The following MYOF variants were observed in gnomAD, a reference collection of about 807,000 sequenced individuals.
MYOF encodes myoferlin.
Under a neutral mutation model 284.2 loss-of-function variants are expected in MYOF, and 244 were observed. The observed-to-expected ratio is 0.86, with a 90% CI of 0.77 to 0.95. The LOEUF (loss-of-function observed/expected upper bound fraction) is 0.95. Among genes scored for constraint, MYOF ranks in the 40% least tolerant of loss-of-function variants. The pLI, the probability that MYOF is intolerant of heterozygous loss-of-function variation, is 0.00. For synonymous variants in MYOF, 904 were observed against 919.7 expected (o/e 0.98, Z 0.31); for missense variants, 2,496 against 2,560.6 (o/e 0.97, Z 0.54).
Position 93,445,858 on chromosome 10 carries a change from C to T in MYOF, c.236+6192G>A, listed in dbSNP as rs74844021. 4.4e-3 allele frequency among the ~76,000 whole-genome samples: 675 copies of T among 152,330 alleles called. 29 individuals are homozygous for T. In the East Asian group the frequency reaches 0.089, roughly 20 times the overall value. On this transcript the variant is annotated intron_variant, in intron 3 of 53. Transcript: ENST00000359263. ...TAAGCTGTAGAAAACCCTTCCGCCC[C>T]AACCCTGCACTTCAGGTGAGGGAAG...
chr10:93,322,440 G>A (rs764252556), intron 48 of MYOF, among the ~76,000 whole-genome samples: 2 of 152,176 alleles, frequency 1.3e-5, no homozygotes, highest in African/African-American at 2.4e-5. Flanking sequence ...AGTAGGGAAA[G>A]CACCAGAATG....
intron 44 of MYOF, 132 bp downstream of exon 44, chr10:93,329,532 G>T: frequency 1.1e-6 from 1 of 869,690 alleles, no homozygotes; most frequent in Non-Finnish European, 1.7e-6. Context: ...ATAATCCTGC[G>T]ATTGAAATCC....
At position 93,399,393 on chromosome 10, in the gene MYOF, T is replaced by C; in HGVS notation, c.1220A>G (p.Lys407Arg). ...PFVEVSFAGK[K>R]VCTNIIEKNA... Reference sequence around the variant, plus strand: ...TCTGCATTTAGATCATGTACAAACCTTTTTTCCAGCAAAGGAAACTTCTAC... The same window carrying C: ...TCTGCATTTAGATCATGTACAAACCCTTTTTCCAGCAAAGGAAACTTCTAC... The change falls in exon 13 of 54, where the codon AAG becomes AGG. Residue 407 changes from lysine to arginine, a missense_variant and splice_region_variant. Coordinates refer to ENST00000359263, the MANE Select transcript of MYOF (RefSeq NM_013451.4). 3.7e-6 allele frequency: 6 copies of C among 1,605,018 alleles called. No homozygotes were observed. Among genetic ancestry groups the C allele is most frequent in the Non-Finnish European group, 5.1e-6 (6 of 1,172,872 alleles).
chr10:93,334,519 C>T lies in MYOF; in HGVS notation c.4564-606G>A, dbSNP rs777409579. On this transcript the variant is annotated intron_variant, in intron 41 of 53. Coordinates refer to ENST00000359263, the MANE Select transcript of MYOF (RefSeq NM_013451.4). ...TCATTAGACTGTGGGCTTCTAGAGA[C>T]GGGTGAGGGGAGCATAAAGTCTTGT... Among the ~76,000 whole-genome samples, 10 of 152,240 alleles carry T rather than the reference C, an allele frequency of 6.6e-5. No individual in the cohort carries two copies. The East Asian group carries it at 7.7e-4, about 12-fold the overall frequency.
intron 1 of MYOF, among the ~76,000 whole-genome samples, chr10:93,463,821 C>T (rs1026056224): frequency 6.7e-6 from 1 of 150,080 alleles, no homozygotes; most frequent in African/African-American, 2.5e-5. Context: ...GCAGTGGCCA[C>T]ACCCCTGCAC....
chr10:93,455,022 G>A (rs1050388330), intron 2 of MYOF, among the ~76,000 whole-genome samples: 3 of 140,110 alleles, frequency 2.1e-5, no homozygotes, highest in East Asian at 4.2e-4. Flanking sequence ...AAGGCCAGCC[G>A]TGGTGACTTA....
intron 5 of MYOF, among the ~76,000 whole-genome samples, chr10:93,416,534 A>G (rs1848130120): frequency 6.6e-6 from 1 of 151,918 alleles, no homozygotes; most frequent in African/African-American, 2.4e-5. Flanking sequence ...AGAAAAAAGA[A>G]AAAGAAAAAG....
At chr10:93,329,555 T>G (rs1609573) in intron 44 of MYOF, 109 bp downstream of exon 44, 36 of 1,145,824 alleles carry the variant, frequency 3.1e-5, no homozygotes, top group Non-Finnish European at 4.3e-5. Flanking sequence ...ACCTGAGTGA[T>G]AGGAGCAGTG....
At chr10:93,309,571 T>C (rs1444220529) in intron 53 of MYOF, among the ~76,000 whole-genome samples, 3 of 151,856 alleles carry the variant, frequency 2.0e-5, no homozygotes, top group East Asian at 1.9e-4. Context: ...TTTGGGGAGG[T>C]TGGGATCAAT....
chr10:93,327,205 A>G (rs947018342), intron 45 of MYOF, among the ~76,000 whole-genome samples: 2 of 151,988 alleles, frequency 1.3e-5, no homozygotes, highest in African/African-American at 4.8e-5. Flanking sequence ...TCTGGTCATC[A>G]GCCCCAGCCG....
At chr10:93,467,395 CT>C (rs2057034932) in intron 1 of MYOF, among the ~76,000 whole-genome samples, 1 of 78,434 alleles carries the variant, frequency 1.3e-5, no homozygotes, top group Non-Finnish European at 2.9e-5. Flanking sequence ...CAGTTCCCAC[CT>C]ATGAGTGAGA....
intron 17 of MYOF, 78 bp from the exon 18 acceptor site, chr10:93,389,232 T>A: frequency 1.4e-6 from 2 of 1,459,524 alleles, no homozygotes; most frequent in Non-Finnish European, 9.1e-7. Flanking sequence ...TATTAGTTAG[T>A]TAGGTGAGAC....
chr10:93,309,752 G>A lies in MYOF; in HGVS notation c.6147+268C>T, dbSNP rs182041372. Among the ~76,000 whole-genome samples, 48 of 152,284 alleles carry A rather than the reference G, an allele frequency of 3.2e-4. No individual in the cohort carries two copies. In the South Asian group the frequency reaches 4.4e-3, roughly 14 times the overall value. ...GCCATAGTCCAGACACACACTGACCGAGACCTGAGTGATTTCTCCTAGAAT... is the reference window on the plus strand; with the variant it reads ...GCCATAGTCCAGACACACACTGACCAAGACCTGAGTGATTTCTCCTAGAAT... On this transcript the variant is annotated intron_variant, in intron 53 of 53. Transcript: ENST00000359263.
rs147571071 is a variant in MYOF, at chr10:93,424,213, C to T, written c.433+1858G>A. On this transcript the variant is annotated intron_variant, in intron 5 of 53. Coordinates refer to ENST00000359263, the MANE Select transcript of MYOF (RefSeq NM_013451.4). The stretch of plus-strand genomic sequence containing the variant: ...TAAACAGGGTCTAGCTTAGGAGAAA[C>T]GACAGTATGAAGAAAGATGCCCTGA... 2.6e-3 allele frequency among the ~76,000 whole-genome samples: 394 copies of T among 152,300 alleles called. 4 individuals carry two copies. The highest frequency in any genetic ancestry group is 6.8e-3 in the Middle Eastern group (2 of 294).
intron 7 of MYOF, among the ~76,000 whole-genome samples, chr10:93,404,653 A>G (rs994440918): frequency 6.6e-6 from 1 of 151,898 alleles, no homozygotes. Context: ...AAAAAAAAAA[A>G]AAAAAAAAAG....
intron 50 of MYOF, among the ~76,000 whole-genome samples, chr10:93,314,941 T>G (rs1191512468): frequency 1.3e-5 from 2 of 152,060 alleles, no homozygotes; most frequent in African/African-American, 4.8e-5. Flanking sequence ...TCCCAGCTAC[T>G]TGGGAGGCTG....
Position 93,411,908 on chromosome 10 carries a change from CT to C in MYOF, c.434-2170del, listed in dbSNP as rs556169808. Among the ~76,000 whole-genome samples the C allele has an allele frequency of 7.9e-4, 120 of 152,296 alleles. 1 individual carries two copies. Among genetic ancestry groups the C allele is most frequent in the Admixed American group, 6.6e-3 (101 of 15,296 alleles). ...ATTGCAGCTCTCCTCCCCCGATCTG[CT>C]TTTTCAGGTTCTTCTGTGGGCCCCT... On this transcript the variant is annotated intron_variant, in intron 5 of 53. Transcript: ENST00000359263.
chr10:93,482,294 T>C lies in MYOF; in HGVS notation c.-100A>G. On this transcript the variant is annotated 5_prime_UTR_variant, in exon 1 of 54. Coordinates refer to ENST00000359263, the MANE Select transcript of MYOF (RefSeq NM_013451.4). ...CCCTGGGAGAGAAGTTCTCTCCCAG[T>C]GAAGGGAGGATTTCTCCCAGGGCAA... 2.0e-6 allele frequency: 2 copies of C among 1,016,180 alleles called. No homozygotes were observed. The highest frequency in any genetic ancestry group is 2.4e-5 in the East Asian group (1 of 41,684). 62.9% of individuals were successfully genotyped at this position (1,016,180 alleles called of 1,614,324 possible). A position where few individuals can be genotyped will look rare whatever the true frequency, so the allele number is the denominator to read the frequency against.
At chr10:93,397,084 C>A in intron 15 of MYOF, 163 bp downstream of exon 15, 1 of 555,232 alleles carries the variant, frequency 1.8e-6, no homozygotes, top group Non-Finnish European at 3.1e-6. Flanking sequence ...TGCAGTAACA[C>A]TATTATTAAA....
Sources: gnomAD v4.1 joint callset for allele counts (sites outside exome capture counted in the v4.1 genomes callset) on GRCh38, gnomAD v4.1.1 for gene constraint, MANE v1.5 for transcripts, NCBI Gene and HGNC (gene_info 2026-07-23, HGNC 2026-07-21) for gene names.